The following FAM83B variants were observed in gnomAD, a reference collection of about 807,000 sequenced individuals.
FAM83B encodes the protein protein FAM83B.
FAM83B carries 26 observed loss-of-function variants against 38.8 expected under a neutral mutation model. The observed-to-expected ratio is 0.67, with a 90% CI of 0.49 to 0.93. The LOEUF (loss-of-function observed/expected upper bound fraction) is 0.93. Among genes scored for constraint, FAM83B ranks in the 40% least tolerant of loss-of-function variants. The pLI is 0.00. For synonymous variants in FAM83B, 419 were observed against 423.1 expected (o/e 0.99, Z 0.12); for missense variants, 1,237 against 1,197.3 (o/e 1.03, Z -0.49).
chr6:54,938,361 C>A (rs1773566980), intron 4 of FAM83B, among the ~76,000 whole-genome samples: 1 of 152,092 alleles, frequency 6.6e-6, no homozygotes, highest in African/African-American at 2.4e-5. Flanking sequence ...ATAATAACTT[C>A]TTTTCCTCTG....
rs373626777 is a variant in FAM83B, at chr6:54,904,696, T to C, written c.445-21675T>C. Among the ~76,000 whole-genome samples, 5 of 152,282 alleles carry C rather than the reference T, an allele frequency of 3.3e-5. No individual in the cohort carries two copies. The East Asian group carries it at 9.6e-4, about 29-fold the overall frequency. ...TAAGAGACTTAGATACTAAGGTTAGTAGATGACATTAGGACTAGAGCTATG... is the reference window on the plus strand; with the variant it reads ...TAAGAGACTTAGATACTAAGGTTAGCAGATGACATTAGGACTAGAGCTATG... On this transcript the variant is annotated intron_variant, in intron 2 of 4. Transcript: ENST00000306858.
Position 54,940,327 on chromosome 6 carries a change from A to G in FAM83B, c.1356A>G (p.Lys452=). The change falls in exon 5 of 5, where the codon AAA becomes AAG. Residue 452 remains lysine (K), a synonymous_variant. Coordinates refer to ENST00000306858, the MANE Select transcript of FAM83B (RefSeq NM_001010872.3). ...TTGCCAATCGGCTTGCGCAGAGAAAAACAACAAATCTTGCAGACAGGAATT... is the reference window on the plus strand; with the variant it reads ...TTGCCAATCGGCTTGCGCAGAGAAAGACAACAAATCTTGCAGACAGGAATT... ...QSFANRLAQR[K]TTNLADRNSN... 6.2e-7 allele frequency: 1 copy of G among 1,614,100 alleles called. No homozygotes were observed. Among genetic ancestry groups the G allele is most frequent in the Non-Finnish European group, 8.5e-7 (1 of 1,180,008 alleles).
intron 2 of FAM83B, among the ~76,000 whole-genome samples, chr6:54,924,802 T>C (rs1479339232): frequency 6.6e-6 from 1 of 152,064 alleles, no homozygotes; most frequent in Non-Finnish European, 1.5e-5. Context: ...ACTACCATCT[T>C]GGTCCTACAC....
intron 2 of FAM83B, among the ~76,000 whole-genome samples, chr6:54,885,954 A>G (rs1379622542): frequency 8.9e-6 from 1 of 112,552 alleles, no homozygotes; most frequent in African/African-American, 4.3e-5. Context: ...GTACCCTAAA[A>G]CTTAAAGTAT....
At chr6:54,875,496 A>G (rs561222292) in intron 2 of FAM83B, among the ~76,000 whole-genome samples, 1 of 152,286 alleles carries the variant, frequency 6.6e-6, no homozygotes, top group South Asian at 2.1e-4. Flanking sequence ...TGGAAATAAT[A>G]TTTTGCTTAG....
intron 4 of FAM83B, among the ~76,000 whole-genome samples, chr6:54,933,897 C>A (rs909745618): frequency 1.3e-5 from 2 of 152,042 alleles, no homozygotes; most frequent in African/African-American, 4.8e-5. Context: ...TGAGGGAGGA[C>A]CCCCAGTCTG....
chr6:54,925,623 C>T (rs1487800505), intron 2 of FAM83B, among the ~76,000 whole-genome samples: 1 of 151,922 alleles, frequency 6.6e-6, no homozygotes, highest in East Asian at 1.9e-4. Flanking sequence ...TACAGCTGGC[C>T]CTTAAACAAC....
At chr6:54,855,477 G>C (rs9475046) in intron 1 of FAM83B, among the ~76,000 whole-genome samples, 59,310 of 151,978 alleles carry the variant, frequency 0.39, 12,241 homozygotes, top group Middle Eastern at 0.48. Flanking sequence ...ATTCATGTCC[G>C]TTGATATCTC....
rs2127592256 is a variant in FAM83B at position 54,942,008 on chromosome 6, C to G, written c.*1C>G. ...AAACTTTATACACAAAAATAAATAGCTATTAAAATGCAAAATGAATGAGGC... is the reference window on the plus strand; with the variant it reads ...AAACTTTATACACAAAAATAAATAGGTATTAAAATGCAAAATGAATGAGGC... On this transcript the variant is annotated 3_prime_UTR_variant, in exon 5 of 5. Coordinates refer to ENST00000306858, the MANE Select transcript of FAM83B (RefSeq NM_001010872.3). 2.5e-6 allele frequency: 4 copies of G among 1,585,672 alleles called. No homozygotes were observed. The highest frequency in any genetic ancestry group is 3.4e-4 in the Middle Eastern group (2 of 5,876).
In FAM83B at chr6:54,942,824, T is replaced by A. The variant is rs9396007; in HGVS notation, c.*817T>A. 0.31 allele frequency among the ~76,000 whole-genome samples: 46,682 copies of A among 151,920 alleles called. 8,785 individuals carry two copies. Among genetic ancestry groups the A allele is most frequent in the East Asian group, 0.8 (4,134 of 5,168 alleles). Reference sequence around the variant, plus strand: ...CCTTTTTCTATTGTATAAAAGCTTTTAGAAATGTAAATTTCTGCCTAAATT... The same window carrying A: ...CCTTTTTCTATTGTATAAAAGCTTTAAGAAATGTAAATTTCTGCCTAAATT... On this transcript the variant is annotated 3_prime_UTR_variant, in exon 5 of 5. Transcript: ENST00000306858.
At chr6:54,915,217 T>G (rs1773006490) in intron 2 of FAM83B, among the ~76,000 whole-genome samples, 1 of 152,172 alleles carries the variant, frequency 6.6e-6, no homozygotes, top group Non-Finnish European at 1.5e-5. Context: ...TTTTATCATA[T>G]TGTTTTGACT....
At chr6:54,934,024 T>G (rs1029651060) in intron 4 of FAM83B, among the ~76,000 whole-genome samples, 5 of 152,098 alleles carry the variant, frequency 3.3e-5, no homozygotes, top group Non-Finnish European at 7.4e-5. Context: ...GAATATAATG[T>G]TCTGGGTGCT....
chr6:54,894,926 A>G (rs1334199362), intron 2 of FAM83B, among the ~76,000 whole-genome samples: 1 of 152,174 alleles, frequency 6.6e-6, no homozygotes, highest in Non-Finnish European at 1.5e-5. Context: ...TGTCTTATGT[A>G]TGATGCTACA....
intron 4 of FAM83B, among the ~76,000 whole-genome samples, chr6:54,938,220 G>A (rs1229209255): frequency 6.6e-6 from 1 of 152,146 alleles, no homozygotes; most frequent in Non-Finnish European, 1.5e-5. Context: ...TTATGGTTGA[G>A]TAGTATTCCA....
chr6:54,859,199 T>A (rs1261428922), intron 1 of FAM83B, among the ~76,000 whole-genome samples: 2 of 151,922 alleles, frequency 1.3e-5, no homozygotes, highest in East Asian at 3.9e-4. Context: ...GTAGCTGGGA[T>A]TACAGGTACC....
At chr6:54,891,026 T>G (rs532937752) in intron 2 of FAM83B, among the ~76,000 whole-genome samples, 1 of 152,268 alleles carries the variant, frequency 6.6e-6, no homozygotes, top group Admixed American at 6.5e-5. Context: ...TAATTTGTAT[T>G]TATGGTTACT....
intron 4 of FAM83B, among the ~76,000 whole-genome samples, chr6:54,928,844 G>T (rs9475071): frequency 0.054 from 8,259 of 152,072 alleles, 756 homozygotes; most frequent in African/African-American, 0.19. Flanking sequence ...ATTTACCTCA[G>T]CTTTGTTTTG....
intron 2 of FAM83B, among the ~76,000 whole-genome samples, chr6:54,891,383 C>T (rs893419617): frequency 6.6e-6 from 1 of 152,038 alleles, no homozygotes; most frequent in Non-Finnish European, 1.5e-5. Context: ...TTGTTCTTTC[C>T]CTGTCTCTTC....
intron 4 of FAM83B, 96 bp downstream of exon 4, chr6:54,927,728 TAAAAAAAA>T (rs1049777485): frequency 7.9e-4 from 78 of 99,136 alleles, no homozygotes; most frequent in Middle Eastern, 0.013. Flanking sequence ...TTCTTAAAAG[TAAAAAAAA>T]AAAAAAAAAA....
Sources: allele counts gnomAD v4.1 joint callset (sites outside exome capture counted in the v4.1 genomes callset), GRCh38; gene constraint gnomAD v4.1.1; transcripts MANE v1.5; gene names NCBI Gene and HGNC (gene_info 2026-07-23, HGNC 2026-07-21).